Variants in FAM78A observed in about 807,000 individuals in gnomAD.
FAM78A encodes the protein protein FAM78A.
In FAM78A, 12 loss-of-function variants were observed where a neutral mutation model predicts 22.6. That is an observed-to-expected ratio of 0.53 (90% confidence interval 0.34 to 0.86). The LOEUF is 0.86. Among genes scored for constraint, FAM78A ranks in the 40% least tolerant of loss-of-function variants. FAM78A has a pLI of 0.02. For missense variants in FAM78A, 322 were observed against 396.1 expected (o/e 0.81, Z 1.59); for synonymous variants, 151 against 155.8 (o/e 0.97, Z 0.23).
At chr9:131,262,570 C>T (rs936578268) in intron 1 of FAM78A, 2 of 151,410 alleles carry the variant, frequency 1.3e-5, no homozygotes, top group Non-Finnish European at 2.9e-5. Flanking sequence ...CACAGTGAGA[C>T]CCTACCTCTA....
intron 1 of FAM78A, among the ~76,000 whole-genome samples, chr9:131,262,310 C>CAAAA: frequency 1.3e-5 from 1 of 75,664 alleles, no homozygotes; most frequent in African/African-American, 4.7e-5. Flanking sequence ...ACTCTGTCTC[C>CAAAA]AAAAAAAAAA....
chr9:131,269,550 C>G (rs1835391645), intron 1 of FAM78A, among the ~76,000 whole-genome samples: 1 of 151,814 alleles, frequency 6.6e-6, no homozygotes, highest in Non-Finnish European at 1.5e-5. Flanking sequence ...GATCTCGGCT[C>G]ACGGTAACCT....
chr9:131,264,271 T>C (rs1197942379), intron 1 of FAM78A: 1 of 349,390 alleles, frequency 2.9e-6, no homozygotes, highest in Non-Finnish European at 5.2e-6. Flanking sequence ...TTTTCTTTCC[T>C]TTCCCAGTCC....
At chr9:131,270,915 C>G (rs774674615) in intron 1 of FAM78A, among the ~76,000 whole-genome samples, 1 of 151,946 alleles carries the variant, frequency 6.6e-6, no homozygotes, top group Non-Finnish European at 1.5e-5. Context: ...GGAAGGCGCC[C>G]GAGGCAGCCA....
Position 131,264,854 on chromosome 9 carries a change from G to A in FAM78A, c.324-3504C>T, listed in dbSNP as rs1199930915. 3 of 496,224 alleles carry A rather than the reference G, an allele frequency of 6.0e-6. No individual in the cohort carries two copies. The South Asian group carries it at 7.9e-5, about 13-fold the overall frequency. 30.7% of individuals were successfully genotyped at this position (496,224 alleles called of 1,614,324 possible). A position where few individuals can be genotyped will look rare whatever the true frequency, so the allele number is the denominator to read the frequency against. ...TTCTTCTGCCTCAGCCTCCTGAGTA[G>A]GTAGGACCACAGGCACCCACCACCA... On this transcript the variant is annotated intron_variant, in intron 1 of 1. Transcript: ENST00000372271.
intron 1 of FAM78A, among the ~76,000 whole-genome samples, chr9:131,273,707 A>G (rs1835446387): frequency 6.6e-6 from 1 of 152,060 alleles, no homozygotes; most frequent in African/African-American, 2.4e-5. Context: ...ATAGAATAAC[A>G]GTAACAATCA....
chr9:131,276,517 G>A (rs2131199108), upstream of FAM78A: 1 of 181,980 alleles, frequency 5.5e-6, no homozygotes, highest in Non-Finnish European at 1.1e-5. The surrounding 1 kb of genome is among the most constrained non-coding windows in gnomAD (Gnocchi z 4.3). Context: ...GAGGAAGCAG[G>A]CGAGCGCCGG....
rs935923156 is a variant in FAM78A, at chr9:131,276,288, C to A, written c.-109G>T. 2.9e-5 allele frequency: 24 copies of A among 835,168 alleles called. No homozygotes were observed. The highest frequency in any genetic ancestry group is 2.4e-4 in the Middle Eastern group (1 of 4,084). The allele number at this position is 835,168 out of a possible 1,614,324, so 51.7% of individuals were successfully genotyped here. A position where few individuals can be genotyped will look rare whatever the true frequency, so the allele number is the denominator to read the frequency against. Reference sequence around the variant, plus strand: ...AAACTCACTGAGTAGACTGGGGTTGCATATATCACTACCGCGGCCTGTTTA... The same window carrying A: ...AAACTCACTGAGTAGACTGGGGTTGAATATATCACTACCGCGGCCTGTTTA... On this transcript the variant is annotated 5_prime_UTR_variant, in exon 1 of 2. An upstream start codon of the reference 5' UTR is lost. Coordinates refer to ENST00000372271, the MANE Select transcript of FAM78A (RefSeq NM_033387.4). This position sits in a 1 kb window ranked among gnomAD's most constrained non-coding sequence, Gnocchi z 4.3.
At position 131,271,001 on chromosome 9, in the gene FAM78A, CTTTTTTT is replaced by C. The variant is rs60077536; in HGVS notation, c.323+4849_323+4855del. Among the ~76,000 whole-genome samples, 43 of 70,402 alleles carry C rather than the reference CTTTTTTT, an allele frequency of 6.1e-4. 2 individuals are homozygous for C. Among genetic ancestry groups the C allele is most frequent in the African/African-American group, 1.6e-3 (39 of 24,296 alleles). 46.2% of individuals were successfully genotyped at this position (70,402 alleles called of 152,430 possible). On this transcript the variant is annotated intron_variant, in intron 1 of 1. Transcript: ENST00000372271. ...CCCTGCCCTGTCCTTTCCCACCAGT[CTTTTTTT>C]TTTTTTTTTTTTTTTGAGATGTGGT...
rs764086845 is a variant in FAM78A, at chr9:131,260,203, G to A, written c.*619C>T. On this transcript the variant is annotated 3_prime_UTR_variant, in exon 2 of 2. Transcript: ENST00000372271. The surrounding 1 kb of genome is among the most constrained non-coding windows in gnomAD (Gnocchi z 5.4). ...GGGAAGAAGGGCTCAAGAGACTCTC[G>A]CGGGCGACCCCAACCCTCCCTCCAC... The A allele has an allele frequency of 6.6e-6, 1 of 152,628 alleles. No homozygotes were observed. The highest frequency in any genetic ancestry group is 1.9e-4 in the East Asian group (1 of 5,192). The allele number at this position is 152,628 out of a possible 1,614,324, so 9.5% of individuals were successfully genotyped here. A position where few individuals can be genotyped will look rare whatever the true frequency, so the allele number is the denominator to read the frequency against.
intron 1 of FAM78A, among the ~76,000 whole-genome samples, chr9:131,271,796 G>A (rs1835424443): frequency 6.6e-6 from 1 of 152,204 alleles, no homozygotes; most frequent in African/African-American, 2.4e-5. Flanking sequence ...GCGAGAAATT[G>A]TGACTTGTCA....
intron 1 of FAM78A, among the ~76,000 whole-genome samples, chr9:131,270,047 A>T (rs951349097): frequency 7.3e-5 from 11 of 150,042 alleles, no homozygotes; most frequent in African/African-American, 2.2e-4. Flanking sequence ...TAAAAAAAAA[A>T]AAAAAAAAAA....
rs960114066 is a variant in FAM78A, at chr9:131,274,726, A to G, written c.323+1131T>C. On this transcript the variant is annotated intron_variant, in intron 1 of 1. Coordinates refer to ENST00000372271, the MANE Select transcript of FAM78A (RefSeq NM_033387.4). This position sits in a 1 kb window ranked among gnomAD's most constrained non-coding sequence, Gnocchi z 4.2. ...GGCCCATGAGATTCTTAAATCTGTG[A>G]TAAGTTCCAGCTCCTGGGGAAATTC... Among the ~76,000 whole-genome samples, 1 of 152,206 alleles carries G rather than the reference A, an allele frequency of 6.6e-6. No individual in the cohort carries two copies. Among genetic ancestry groups the G allele is most frequent in the Non-Finnish European group, 1.5e-5 (1 of 68,040 alleles).
upstream of FAM78A, among the ~76,000 whole-genome samples, chr9:131,279,995 C>T (rs959636230): frequency 1.3e-5 from 2 of 152,212 alleles, no homozygotes; most frequent in African/African-American, 4.8e-5. Flanking sequence ...GAAGTCCTAC[C>T]AGCAGAGGTG....
Position 131,276,228 on chromosome 9 carries a change from A to G in FAM78A, c.-49T>C, listed in dbSNP as rs370985854. ...CCAGTACAGACGGCGCTGCTCTCCA[A>G]TCTCAACTCTCAAGACCGATATCCA... On this transcript the variant is annotated 5_prime_UTR_variant, in exon 1 of 2. Coordinates refer to ENST00000372271, the MANE Select transcript of FAM78A (RefSeq NM_033387.4). This position sits in a 1 kb window ranked among gnomAD's most constrained non-coding sequence, Gnocchi z 4.3. The G allele has an allele frequency of 1.8e-5, 27 of 1,494,730 alleles. No homozygotes were observed. Among genetic ancestry groups the G allele is most frequent in the African/African-American group, 2.8e-5 (2 of 71,872 alleles). The allele number at this position is 1,494,730 out of a possible 1,614,324, so 92.6% of individuals were successfully genotyped here.
chr9:131,264,726 C>CT (rs57794278), intron 1 of FAM78A: 21,958 of 556,046 alleles, frequency 0.039, no homozygotes, highest in Middle Eastern at 0.055. Flanking sequence ...CTTTTCTGAC[C>CT]TTTTTTTTTT....
At chr9:131,266,885 A>G (rs996127305) in intron 1 of FAM78A, among the ~76,000 whole-genome samples, 2 of 152,260 alleles carry the variant, frequency 1.3e-5, no homozygotes, top group Non-Finnish European at 2.9e-5. Flanking sequence ...CGAAGCCCAC[A>G]GGGCATCTCT....
At chr9:131,277,878 G>A (rs1442138028), upstream of FAM78A, among the ~76,000 whole-genome samples, 1 of 150,856 alleles carries the variant, frequency 6.6e-6, no homozygotes, top group Non-Finnish European at 1.5e-5. The surrounding 1 kb of genome is among the most constrained non-coding windows in gnomAD (Gnocchi z 8.4). Flanking sequence ...GCGCTGCCTC[G>A]CTCTGCTGCA....
intron 1 of FAM78A, chr9:131,270,438 C>T (rs1406126527): frequency 3.5e-5 from 25 of 717,316 alleles, no homozygotes; most frequent in Non-Finnish European, 5.5e-5. Context: ...CTGATTACTA[C>T]GGCTGTTGAG....
Sources: allele counts gnomAD v4.1 joint callset (sites outside exome capture counted in the v4.1 genomes callset), GRCh38; gene constraint gnomAD v4.1.1; non-coding constraint Gnocchi (gnomAD v3.1); transcripts MANE v1.5; gene names NCBI Gene and HGNC (gene_info 2026-07-23, HGNC 2026-07-21).